The following CAPN8 variants were observed in gnomAD, a reference collection of about 807,000 sequenced individuals.
CAPN8 encodes the protein calpain-8.
CAPN8 carries 87 observed loss-of-function variants against 80.9 expected under a neutral mutation model. The ratio of observed to expected loss-of-function variants is 1.07; its 90% confidence interval spans 0.90 to 1.28. The LOEUF is 1.28. Ranked by LOEUF, CAPN8 falls within the 50% of genes most tolerant of loss-of-function variation. CAPN8 has a pLI of 0.00. For synonymous variants in CAPN8, 299 were observed against 273.8 expected, an observed-to-expected ratio of 1.09 and a Z score of -0.91; for missense variants, 757 against 702.0, an observed-to-expected ratio of 1.08 and a Z score of -0.89.
chr1:223,629,575 C>T (rs1164293452), intron 2 of CAPN8, among the ~76,000 whole-genome samples: 1 of 152,210 alleles, frequency 6.6e-6, no homozygotes, highest in Non-Finnish European at 1.5e-5. Context: ...CTTGCAGTGT[C>T]AACTTCAAAA....
At chr1:223,649,244 T>C (rs550301336) in intron 2 of CAPN8, among the ~76,000 whole-genome samples, 2 of 152,182 alleles carry the variant, frequency 1.3e-5, no homozygotes, top group African/African-American at 4.8e-5. Flanking sequence ...TTCACAACCA[T>C]AGGCACAAAT....
chr1:223,657,370 T>C (rs1658524399), intron 1 of CAPN8, among the ~76,000 whole-genome samples: 1 of 151,872 alleles, frequency 6.6e-6, no homozygotes, highest in Non-Finnish European at 1.5e-5. Context: ...ATTTAAATGT[T>C]GTTTTTAAAA....
intron 10 of CAPN8, among the ~76,000 whole-genome samples, chr1:223,613,358 C>T (rs534081591): frequency 6.6e-6 from 1 of 152,370 alleles, no homozygotes; most frequent in South Asian, 2.1e-4. Flanking sequence ...TCACAAGTAT[C>T]TTCCTGTCAG....
chr1:223,633,216 T>C (rs996119262), intron 2 of CAPN8, among the ~76,000 whole-genome samples: 6 of 152,186 alleles, frequency 3.9e-5, no homozygotes, highest in Admixed American at 3.9e-4. Context: ...TGATTTGGTA[T>C]GCCCCATAAA....
chr1:223,638,227 A>G (rs1029379961), intron 2 of CAPN8, among the ~76,000 whole-genome samples: 1 of 152,196 alleles, frequency 6.6e-6, no homozygotes, highest in Admixed American at 6.5e-5. Context: ...GATTTAAAGT[A>G]TATGGGAGGA....
chr1:223,630,170 C>T (rs1657731228), intron 2 of CAPN8, among the ~76,000 whole-genome samples: 1 of 152,144 alleles, frequency 6.6e-6, no homozygotes. Context: ...TCCTAGAAAG[C>T]CCTGGCCTCT....
chr1:223,544,882 C>G (rs889560070), intron 17 of CAPN8, 32 bp from the exon 18 acceptor site: 6 of 1,551,268 alleles, frequency 3.9e-6, no homozygotes, highest in Non-Finnish European at 5.2e-6. Flanking sequence ...AAGTAGAAAA[C>G]AACCATTCAC....
intron 3 of CAPN8, 92 bp downstream of exon 3, chr1:223,628,570 G>T: frequency 1.0e-6 from 1 of 957,138 alleles, no homozygotes; most frequent in Non-Finnish European, 1.6e-6. Flanking sequence ...AGGTCACTGT[G>T]CCCCAAACCC....
At chr1:223,626,241 A>G (rs1297905701) in intron 5 of CAPN8, among the ~76,000 whole-genome samples, 1 of 152,060 alleles carries the variant, frequency 6.6e-6, no homozygotes, top group African/African-American at 2.4e-5. Context: ...CAGTCCTCCA[A>G]GGTTCTCCCT....
intron 2 of CAPN8, among the ~76,000 whole-genome samples, chr1:223,650,178 G>C (rs773257751): frequency 2.5e-4 from 38 of 152,210 alleles, no homozygotes; most frequent in Non-Finnish European, 1.6e-4. Context: ...AAAGATGCCA[G>C]GGTCATGGGG....
At chr1:223,634,380 G>A (rs72747941) in intron 2 of CAPN8, among the ~76,000 whole-genome samples, 10,662 of 152,170 alleles carry the variant, frequency 0.07, 498 homozygotes, top group Middle Eastern at 0.11. Flanking sequence ...GGCCAGCAAG[G>A]ACCCATAAGT....
intron 1 of CAPN8, among the ~76,000 whole-genome samples, chr1:223,662,857 A>G (rs754221614): frequency 2.0e-5 from 3 of 152,170 alleles, no homozygotes; most frequent in Non-Finnish European, 4.4e-5. Context: ...CCTCATAGAG[A>G]TAGGATCAGA....
intron 2 of CAPN8, among the ~76,000 whole-genome samples, chr1:223,643,947 T>A (rs962696178): frequency 6.5e-4 from 99 of 152,172 alleles, no homozygotes; most frequent in Non-Finnish European, 1.3e-3. Flanking sequence ...GATTTCCTTT[T>A]AAAAAAAATT....
intron 2 of CAPN8, among the ~76,000 whole-genome samples, chr1:223,653,094 T>C (rs1006154081): frequency 2.0e-5 from 3 of 151,262 alleles, no homozygotes; most frequent in East Asian, 1.9e-4. Flanking sequence ...ACATGCATAA[T>C]TAGGTTAAAC....
rs148010240 is a variant in CAPN8 at position 223,647,034 on chromosome 1, AG to A, written c.307+7295del. ...CCACCTGCCACCTCTCATAAGGTTC[AG>A]GGGGTGTCTTCCTGGGGACTCAGGC... On this transcript the variant is annotated intron_variant, in intron 2 of 20. Transcript: ENST00000366872. Among the ~76,000 whole-genome samples, 1,489 of 152,232 alleles carry A rather than the reference AG, an allele frequency of 9.8e-3. 109 individuals are homozygous for A. In the East Asian group the frequency reaches 0.17, roughly 17 times the overall value.
At chr1:223,554,455 A>G (rs1656862373) in intron 13 of CAPN8, among the ~76,000 whole-genome samples, 1 of 152,124 alleles carries the variant, frequency 6.6e-6, no homozygotes, top group African/African-American at 2.4e-5. Context: ...CCCCATTTCT[A>G]CAAAAAATAC....
chr1:223,635,982 A>G (rs75660587), intron 2 of CAPN8, among the ~76,000 whole-genome samples: 6 of 164 alleles, frequency 0.037, no homozygotes, highest in Non-Finnish European at 0.028. Context: ...TTGAGTAGTC[A>G]ATCACTAGTA....
At chr1:223,612,610 G>A (rs895961610) in intron 10 of CAPN8, among the ~76,000 whole-genome samples, 4 of 152,068 alleles carry the variant, frequency 2.6e-5, no homozygotes, top group African/African-American at 9.7e-5. Flanking sequence ...CAGACCTGGT[G>A]TCCAAGATCA....
chr1:223,543,120 G>T lies in CAPN8; in HGVS notation c.2076C>A (p.Leu692=). 6.4e-7 allele frequency: 1 copy of T among 1,551,710 alleles called. No individual in the cohort carries two copies. The highest frequency in any genetic ancestry group is 8.7e-7 in the Non-Finnish European group (1 of 1,147,006). ...TCAGGACATTCACCTCGGCCAGAGAGAGCTGAACCATGCCATCCTTGTCTT... is the reference window on the plus strand; with the variant it reads ...TCAGGACATTCACCTCGGCCAGAGATAGCTGAACCATGCCATCCTTGTCTT... ...LDEDKDGMVQ[L]SLAEWLCCVL... Residue 692 remains leucine (L), a synonymous_variant, in exon 20 of 21, where the codon CTC becomes CTA. Transcript: ENST00000366872.
Sources: gnomAD v4.1 joint callset for allele counts (sites outside exome capture counted in the v4.1 genomes callset) on GRCh38, gnomAD v4.1.1 for gene constraint, MANE v1.5 for transcripts, NCBI Gene and HGNC (gene_info 2026-07-23, HGNC 2026-07-21) for gene names.